The following AGT variants were observed in gnomAD, a reference collection of about 807,000 sequenced individuals.
AGT encodes alpha-1 antiproteinase, antitrypsin.
A neutral mutation model predicts 28.1 loss-of-function variants in AGT; 26 were observed. The observed-to-expected ratio is 0.92, with a 90% CI of 0.68 to 1.28. The LOEUF is 1.28. Among genes scored for constraint, AGT ranks in the 50% most tolerant of loss-of-function variants. The pLI is 0.00. For missense variants in AGT, 596 were observed against 592.3 expected (o/e 1.01, Z -0.06); for synonymous variants, 259 against 259.6 (o/e 1.00, Z 0.02).
At position 230,710,590 on chromosome 1, in the gene AGT, C is replaced by A. The variant is rs770446406; in HGVS notation, c.234G>T (p.Gln78His). The A allele has an allele frequency of 3.3e-5, 53 of 1,614,164 alleles. 1 individual carries two copies. The highest frequency in any genetic ancestry group is 4.2e-5 in the Non-Finnish European group (50 of 1,180,056). ...CAAGTTTTGCAGCGACTAGCACCAG[C>A]TGGTCCTGTAGGGCCTTTTCATCCA... is the stretch of plus-strand genomic sequence containing the variant. ...SPVDEKALQDQLVLVAAKLDT... is the reference protein window; with the variant it reads ...SPVDEKALQDHLVLVAAKLDT... Residue 78 changes from glutamine (Q) to histidine (H), a missense_variant, in exon 2 of 5, where the codon CAG becomes CAT. Gln to His is a conservative substitution (Grantham distance 24). Coordinates refer to ENST00000366667, the MANE Select transcript of AGT (RefSeq NM_001384479.1).
intron 1 of AGT, among the ~76,000 whole-genome samples, chr1:230,711,620 G>A (rs1663593380): frequency 6.6e-6 from 1 of 151,970 alleles, no homozygotes; most frequent in Non-Finnish European, 1.5e-5. Context: ...ATCTCCCTGT[G>A]GTCCCAACAT....
intron 1 of AGT, among the ~76,000 whole-genome samples, chr1:230,730,317 G>A (rs12042306): frequency 0.31 from 46,793 of 151,816 alleles, 8,412 homozygotes; most frequent in East Asian, 0.67. Context: ...CAAGTGATCC[G>A]TCCACCTCGG....
chr1:230,735,710 C>A (rs1455354560), intron 1 of AGT, among the ~76,000 whole-genome samples: 3 of 152,128 alleles, frequency 2.0e-5, no homozygotes, highest in Non-Finnish European at 2.9e-5. Flanking sequence ...GCTTCTCCTT[C>A]CCCTTAGGTT....
upstream of AGT, among the ~76,000 whole-genome samples, chr1:230,715,087 G>A (rs1174612064): frequency 2.0e-5 from 3 of 152,072 alleles, no homozygotes; most frequent in East Asian, 3.9e-4. Flanking sequence ...GCATATCCAC[G>A]ATGGCAGACA....
upstream of AGT, among the ~76,000 whole-genome samples, chr1:230,716,677 T>C (rs1383980448): frequency 6.6e-6 from 1 of 152,236 alleles, no homozygotes; most frequent in Non-Finnish European, 1.5e-5. Flanking sequence ...CCATGTAAGA[T>C]GTGCTTTTGC....
chr1:230,732,240 A>G (rs1664082590), intron 1 of AGT, among the ~76,000 whole-genome samples: 2 of 152,192 alleles, frequency 1.3e-5, no homozygotes, highest in South Asian at 4.1e-4. Flanking sequence ...GCCTCAAGCA[A>G]TCATTCCACC....
chr1:230,742,137 T>C lies in AGT; in HGVS notation c.-31+3378A>G, dbSNP rs571673409. Among the ~76,000 whole-genome samples the C allele has an allele frequency of 1.1e-3, 174 of 152,058 alleles. 1 individual carries two copies. The highest frequency in any genetic ancestry group is 2.5e-3 in the East Asian group (13 of 5,170). ...AATATAAAAGGCATATAGAAAAGTC[T>C]CCCCACATTCCTCTACCCCCATCTA... On this transcript the variant is annotated intron_variant, in intron 1 of 4. Coordinates refer to the AGT transcript ENST00000681269.
intron 2 of AGT, among the ~76,000 whole-genome samples, chr1:230,708,802 C>G (rs1186964238): frequency 1.3e-5 from 2 of 152,180 alleles, no homozygotes; most frequent in African/African-American, 2.4e-5. Context: ...TCCTCCCTGC[C>G]TCCAGTCTGC....
In AGT at chr1:230,706,073, G is replaced by A. The variant is rs769057325; in HGVS notation, c.957C>T (p.Asn319=). The change falls in exon 3 of 5, where the codon AAC becomes AAT. Residue 319 remains asparagine, a synonymous_variant. Transcript: ENST00000366667. ...TFQHWSDIQD[N]FSVTQVPFTE... is the part of the protein sequence containing the mutation. ...TGAAGGGCACTTGAGTCACCGAGAAGTTGTCCTGGATGTCACTCCAGTGCT... is the reference window on the plus strand; with the variant it reads ...TGAAGGGCACTTGAGTCACCGAGAAATTGTCCTGGATGTCACTCCAGTGCT... 5.6e-6 allele frequency: 9 copies of A among 1,614,046 alleles called. No homozygotes were observed. In the Admixed American group the frequency reaches 1.0e-4, roughly 18 times the overall value.
intron 1 of AGT, among the ~76,000 whole-genome samples, chr1:230,721,316 A>G (rs1479306955): frequency 6.6e-6 from 1 of 152,250 alleles, no homozygotes; most frequent in African/African-American, 2.4e-5. Context: ...CAACAAGTGT[A>G]AGGACCAAAA....
At chr1:230,734,992 A>G (rs113688963) in intron 1 of AGT, among the ~76,000 whole-genome samples, 3,122 of 152,022 alleles carry the variant, frequency 0.021, 92 homozygotes, top group African/African-American at 0.07. Context: ...GGGATTACAG[A>G]TGTGAGCCAT....
intron 2 of AGT, 25 bp downstream of exon 2, chr1:230,709,970 G>T: frequency 6.2e-6 from 10 of 1,614,072 alleles, no homozygotes; most frequent in African/African-American, 1.3e-5. Context: ...CCTAGGGCCA[G>T]AGCCAGCAGA....
upstream of AGT, among the ~76,000 whole-genome samples, chr1:230,714,652 G>A (rs5046): frequency 0.12 from 18,206 of 152,210 alleles, 1,110 homozygotes; most frequent in South Asian, 0.21. Flanking sequence ...AGACACTGGG[G>A]AAAACACACA....
At chr1:230,730,604 G>A (rs185882419) in intron 1 of AGT, among the ~76,000 whole-genome samples, 18 of 152,238 alleles carry the variant, frequency 1.2e-4, no homozygotes, top group Admixed American at 2.6e-4. Flanking sequence ...GTGTCTGCTT[G>A]GCTCCATAAG....
chr1:230,710,854 C>T lies in AGT; in HGVS notation c.-30-1G>A, dbSNP rs895698601. 2 of 1,611,932 alleles carry T rather than the reference C, an allele frequency of 1.2e-6. No homozygotes were observed. The highest frequency in any genetic ancestry group is 2.7e-5 in the African/African-American group (2 of 74,938). ...ACTGGGGTGCTCGCTTCCGCATACC[C>T]TGAAATATCATTTTGCAAAGGGTGA... is the stretch of plus-strand genomic sequence containing the variant. On this transcript the variant is annotated splice_acceptor_variant, in intron 1 of 4. Transcript: ENST00000366667. LOFTEE classifies it low-confidence loss of function (5UTR_SPLICE).
chr1:230,705,021 G>A (rs1663339346), intron 3 of AGT, among the ~76,000 whole-genome samples: 3 of 152,192 alleles, frequency 2.0e-5, no homozygotes, highest in Admixed American at 2.0e-4. Context: ...CCTTCAAAAG[G>A]AAGGACATTC....
chr1:230,707,132 G>C (rs1286607540), intron 2 of AGT, among the ~76,000 whole-genome samples: 1 of 152,246 alleles, frequency 6.6e-6, no homozygotes, highest in African/African-American at 2.4e-5. Flanking sequence ...CTGCTCACAG[G>C]GCCGTGCAGA....
chr1:230,739,197 G>A (rs73102680), intron 1 of AGT, among the ~76,000 whole-genome samples: 11,272 of 140,830 alleles, frequency 0.08, 621 homozygotes, highest in African/African-American at 0.15. Context: ...CTCCTCTACA[G>A]GTTTTTTTTT....
chr1:230,704,378 C>G (rs778012125), intron 3 of AGT, 41 bp from the exon 4 acceptor site: 1 of 1,610,104 alleles, frequency 6.2e-7, no homozygotes, highest in South Asian at 1.1e-5. Flanking sequence ...CCAGGCCACA[C>G]AGTGAGGGCT....
Sources: gnomAD v4.1 joint callset for allele counts (sites outside exome capture counted in the v4.1 genomes callset) on GRCh38, gnomAD v4.1.1 for gene constraint, MANE v1.5 for transcripts, NCBI Gene and HGNC (gene_info 2026-07-23, HGNC 2026-07-21) for gene names.